Variants in LRWD1 observed in about 807,000 individuals in gnomAD.
The protein encoded by LRWD1 is leucine rich repeats and WD repeat domain containing 1, also known as leucine-rich repeat and WD repeat-containing protein 1.
Under a neutral mutation model 75.6 loss-of-function variants are expected in LRWD1, and 76 were observed. That is an observed-to-expected ratio of 1.01 (90% CI 0.84 to 1.22). The LOEUF is 1.22. Among genes scored for constraint, LRWD1 ranks in the 50% most tolerant of loss-of-function variants. The pLI, the probability that LRWD1 is intolerant of heterozygous loss-of-function variation, is 0.00. For synonymous variants in LRWD1, 487 were observed against 377.0 expected (o/e 1.29, Z -3.38); for missense variants, 917 against 862.0 (o/e 1.06, Z -0.80).
At chr7:102,467,018 C>G (rs1043750007) in intron 3 of LRWD1, among the ~76,000 whole-genome samples, 9 of 151,350 alleles carry the variant, frequency 5.9e-5, no homozygotes, top group African/African-American at 1.9e-4. Context: ...TCAAGCGATG[C>G]TTCTTCCTCA....
chr7:102,468,781 C>T lies in LRWD1; in HGVS notation c.1021-74C>T, dbSNP rs970514021. 4.1e-5 allele frequency: 64 copies of T among 1,558,806 alleles called. No homozygotes were observed. In the African/African-American group the frequency reaches 8.1e-4, roughly 20 times the overall value. ...TTTCTTTCATGCTGGGGCTCCCTCCCCCAGGCCCGGGCTACCCGCGTGTTC... is the reference window on the plus strand; with the variant it reads ...TTTCTTTCATGCTGGGGCTCCCTCCTCCAGGCCCGGGCTACCCGCGTGTTC... On this transcript the variant is annotated intron_variant, in intron 8 of 14. Coordinates refer to ENST00000292616, the MANE Select transcript of LRWD1 (RefSeq NM_152892.3).
Position 102,472,505 on chromosome 7 carries a change from CG to C in LRWD1, c.1587del (p.Trp530GlyfsTer57). On this transcript the variant is annotated frameshift_variant, in exon 13 of 15. Coordinates refer to ENST00000292616, the MANE Select transcript of LRWD1 (RefSeq NM_152892.3). LOFTEE classifies it high-confidence loss of function. The stretch of plus-strand genomic sequence containing the variant: ...ATCTGCCTGTGGAGCTGGAGGCAGA[CG>C]TGGGGGGGCCGGGGCAGCCAGTCCA... ...GTICLWSWRQ[T>X]WGGRGSQSTV... is the part of the protein sequence containing the mutation. 6.4e-7 allele frequency: 1 copy of C among 1,551,238 alleles called. No homozygotes were observed. The highest frequency in any genetic ancestry group is 1.7e-4 in the Middle Eastern group (1 of 5,966).
Position 102,467,836 on chromosome 7 carries a change from C to T in LRWD1, c.678+13C>T. ...CCACAAGCCCAGGGTGAGTGCAGCTCCCAGGGCTCTGAGGCCAGCCCAGTC... is the reference window on the plus strand; with the variant it reads ...CCACAAGCCCAGGGTGAGTGCAGCTTCCAGGGCTCTGAGGCCAGCCCAGTC... On this transcript the variant is annotated intron_variant, in intron 5 of 14. Transcript: ENST00000292616. 6.5e-7 allele frequency: 1 copy of T among 1,549,020 alleles called. No homozygotes were observed. Among genetic ancestry groups the T allele is most frequent in the South Asian group, 1.2e-5 (1 of 83,960 alleles).
intron 3 of LRWD1, 147 bp from the exon 4 acceptor site, chr7:102,467,192 G>GTGTGTA: frequency 1.5e-6 from 1 of 681,198 alleles, no homozygotes; most frequent in Non-Finnish European, 2.5e-6. Context: ...GTGTGTGTGT[G>GTGTGTA]TGTGTGTGTG....
At chr7:102,472,409 G>A in intron 12 of LRWD1, 45 bp from the exon 13 acceptor site, 7 of 1,547,712 alleles carry the variant, frequency 4.5e-6, no homozygotes, top group African/African-American at 1.4e-5. Context: ...GGGAGAAGGT[G>A]TCTGGGAGGG....
chr7:102,469,687 G>C (rs1798127597), intron 10 of LRWD1, 41 bp downstream of exon 10: 1 of 1,613,850 alleles, frequency 6.2e-7, no homozygotes, highest in Admixed American at 1.7e-5. Flanking sequence ...CAGCTGCTGG[G>C]GCAGGGACAC....
rs1158653902 is a variant in LRWD1 at position 102,469,020 on chromosome 7, G to A, written c.1186G>A (p.Ala396Thr). The change falls in exon 9 of 15, where the codon GCC becomes ACC. Residue 396 changes from alanine (A) to threonine (T), a missense_variant. Transcript: ENST00000292616. ...GVIRAHKKAI[A>T]TLCFSPAHET... ...CATCCGAGCCCACAAGAAGGCCATC[G>A]CCACCCTGTGCTTCAGCCCCGCCCA... The A allele has an allele frequency of 8.7e-6, 14 of 1,609,798 alleles. No homozygotes were observed. The highest frequency in any genetic ancestry group is 1.3e-5 in the African/African-American group (1 of 74,802).
chr7:102,466,045 C>T lies in LRWD1; in HGVS notation c.309C>T (p.Phe103=). ...AACTCAGCCTGGAGGGCAACCCCTT[C>T]CTGACGGTAAGTGGGAGCCTCCCAC... is the stretch of plus-strand genomic sequence containing the variant. The part of the protein sequence containing the change: ...LEELSLEGNP[F]LTVNDNLKVS... Residue 103 remains phenylalanine (F), a synonymous_variant, in exon 2 of 15, where the codon TTC becomes TTT. Coordinates refer to ENST00000292616, the MANE Select transcript of LRWD1 (RefSeq NM_152892.3). The T allele has an allele frequency of 6.2e-7, 1 of 1,614,088 alleles. No individual in the cohort carries two copies. Among genetic ancestry groups the T allele is most frequent in the Non-Finnish European group, 8.5e-7 (1 of 1,180,000 alleles).
At position 102,472,448 on chromosome 7, in the gene LRWD1, C is replaced by G. The variant is rs1358052596; in HGVS notation, c.1535-6C>G. 1 of 1,536,036 alleles carries G rather than the reference C, an allele frequency of 6.5e-7. No homozygotes were observed. The highest frequency in any genetic ancestry group is 8.8e-7 in the Non-Finnish European group (1 of 1,138,206). The stretch of plus-strand genomic sequence containing the variant: ...ACCCTGCACAGCTCTCCCTTCTCCC[C>G]CACAGCCTCCAAGGGGAGCGGCCTG... On this transcript the variant is annotated splice_region_variant and splice_polypyrimidine_tract_variant and intron_variant, in intron 12 of 14. Coordinates refer to ENST00000292616, the MANE Select transcript of LRWD1 (RefSeq NM_152892.3).
Position 102,467,413 on chromosome 7 carries a change from T to TGTGAA in LRWD1, c.510_514dup (p.Ser172Ter). 1 of 1,613,764 alleles carries TGTGAA rather than the reference T, an allele frequency of 6.2e-7. No individual in the cohort carries two copies. Among genetic ancestry groups the TGTGAA allele is most frequent in the Non-Finnish European group, 8.5e-7 (1 of 1,179,926 alleles). ...AGGCTGAGAAGGCCCAGGCGGACTT[T>TGTGAA]GTGAAGTCGGCTGTCAGGGATGTCC... On this transcript the variant is annotated frameshift_variant, in exon 4 of 15. Transcript: ENST00000292616. LOFTEE classifies it high-confidence loss of function.
intron 11 of LRWD1, chr7:102,471,959 C>T (rs1798204989): frequency 4.3e-6 from 2 of 469,004 alleles, no homozygotes; most frequent in Admixed American, 3.4e-5. Context: ...TATCCAACCC[C>T]CTGGCCTAGC....
Position 102,465,918 on chromosome 7 carries a change from C to T in LRWD1, c.182C>T (p.Thr61Met), listed in dbSNP as rs756456696. The change falls in exon 2 of 15, where the codon ACG becomes ATG. Residue 61 changes from threonine to methionine, a missense_variant. Transcript: ENST00000292616. ...GACCTGTCTAACAACCACCTGGAGA[C>T]GCTGCCGGACAACCTGGGCCTGTCC... ...ELDLSNNHLETLPDNLGLSHL... is the reference protein window; with the variant it reads ...ELDLSNNHLEMLPDNLGLSHL... 9.3e-6 allele frequency: 15 copies of T among 1,613,622 alleles called. No individual in the cohort carries two copies. The highest frequency in any genetic ancestry group is 2.2e-5 in the East Asian group (1 of 44,894).
intron 1 of LRWD1, 44 bp downstream of exon 1, chr7:102,465,204 C>T (rs1586735269): frequency 7.1e-6 from 10 of 1,402,896 alleles, no homozygotes; most frequent in Non-Finnish European, 9.3e-6. Flanking sequence ...CGGGGCCGGG[C>T]GGTCGGGGAG....
At chr7:102,467,139 AGGCACCTGGGTTGTTGCTGGGG>A (rs1798016511) in intron 3 of LRWD1, among the ~76,000 whole-genome samples, 178 bp from the exon 4 acceptor site, 4 of 45,958 alleles carry the variant, frequency 8.7e-5, no homozygotes, top group Non-Finnish European at 1.3e-4. Flanking sequence ...GTGTGTGTGT[AGGCACCTGGGTTGTTGCTGGGG>A]TGTGTGTGGG....
At chr7:102,470,044 G>A (rs931963874) in intron 11 of LRWD1, 162 bp downstream of exon 11, 32 of 922,106 alleles carry the variant, frequency 3.5e-5, no homozygotes, top group Non-Finnish European at 4.5e-5. Context: ...GCCAGGCTCT[G>A]GAGGAAAGGA....
At chr7:102,472,415 G>A (rs1798226080) in intron 12 of LRWD1, 39 bp from the exon 13 acceptor site, 1 of 1,546,754 alleles carries the variant, frequency 6.5e-7, no homozygotes, top group Non-Finnish European at 8.7e-7. Flanking sequence ...AGGTGTCTGG[G>A]AGGGGCCACC....
Position 102,472,693 on chromosome 7 carries a change from T to A in LRWD1, c.1692T>A (p.Asp564Glu), listed in dbSNP as rs1428783000. The change falls in exon 14 of 15, where the codon GAT becomes GAA. Residue 564 changes from aspartate (D) to glutamate (E), a missense_variant and splice_region_variant. By Grantham distance (45) the Asp-to-Glu change is conservative (BLOSUM62 2). Coordinates refer to ENST00000292616, the MANE Select transcript of LRWD1 (RefSeq NM_152892.3). ...LAYFSLSACP[D>E]KGIVLCGDEE... is the part of the protein sequence containing the mutation. ...CAGACTCCACCTCTGTCCCGGCAGA[T>A]AAGGGGATTGTGCTCTGTGGGGATG... is the stretch of plus-strand genomic sequence containing the variant. 1.2e-6 allele frequency: 2 copies of A among 1,613,308 alleles called. No individual in the cohort carries two copies. The highest frequency in any genetic ancestry group is 2.7e-5 in the African/African-American group (2 of 74,932).
At chr7:102,470,094 G>A in intron 11 of LRWD1, 1 of 594,760 alleles carries the variant, frequency 1.7e-6, no homozygotes, top group Non-Finnish European at 2.8e-6. Flanking sequence ...CTGTGGGACT[G>A]GGCCATGATG....
chr7:102,467,594 C>A, intron 4 of LRWD1, 115 bp downstream of exon 4: 1 of 1,526,002 alleles, frequency 6.6e-7, no homozygotes, highest in Non-Finnish European at 8.9e-7. Flanking sequence ...TCAGGGTGGG[C>A]AGCCCTGTTG....
Sources: allele counts gnomAD v4.1 joint callset (sites outside exome capture counted in the v4.1 genomes callset), GRCh38; gene constraint gnomAD v4.1.1; transcripts MANE v1.5; gene names NCBI Gene and HGNC (gene_info 2026-07-23, HGNC 2026-07-21).